SYCP2L: variants seen among roughly 807,000 people sequenced by gnomAD.
SYCP2L encodes synaptonemal complex protein 2 like.
SYCP2L carries 98 observed loss-of-function variants against 125.8 expected under a neutral mutation model. That is an observed-to-expected ratio of 0.78 (90% confidence interval 0.66 to 0.92). SYCP2L has a LOEUF of 0.92. SYCP2L is among the 40% of genes least tolerant of loss of function. The pLI is 0.00. For synonymous variants in SYCP2L, 317 were observed against 325.4 expected (o/e 0.97, Z 0.28); for missense variants, 842 against 936.4 (o/e 0.90, Z 1.32).
At chr6:10,895,555 G>A (rs955736404) in intron 4 of SYCP2L, among the ~76,000 whole-genome samples, 2 of 152,074 alleles carry the variant, frequency 1.3e-5, no homozygotes, top group Admixed American at 6.6e-5. Context: ...AGGAATGTGA[G>A]CTGGTACTGA....
At chr6:10,917,289 A>G (rs977898862) in intron 14 of SYCP2L, among the ~76,000 whole-genome samples, 6 of 152,166 alleles carry the variant, frequency 3.9e-5, no homozygotes, top group Non-Finnish European at 8.8e-5. Context: ...CTCATTTCTT[A>G]AGTCTATTAG....
intron 14 of SYCP2L, among the ~76,000 whole-genome samples, chr6:10,917,605 G>A (rs1290221454): frequency 6.6e-6 from 1 of 152,188 alleles, no homozygotes; most frequent in Non-Finnish European, 1.5e-5. Flanking sequence ...CTGCAATTCT[G>A]TATCTCTTAA....
chr6:10,891,607 CTCTCTCTGTG>C lies in SYCP2L; in HGVS notation c.78+28_78+37del. The C allele has an allele frequency of 1.3e-5, 6 of 452,942 alleles. 1 individual carries two copies. The highest frequency in any genetic ancestry group is 7.8e-5 in the East Asian group (2 of 25,720). 28.1% of individuals were successfully genotyped at this position (452,942 alleles called of 1,614,324 possible). On this transcript the variant is annotated intron_variant, in intron 2 of 29. Coordinates refer to ENST00000283141, the MANE Select transcript of SYCP2L (RefSeq NM_001040274.3). ...GTAAAGATCAAGTTTCTTTTATAAT[CTCTCTCTGTG>C]TGTGTGTGTGTGTGTGTGTGTGTGT...
At chr6:10,973,906 A>C (rs1376984163) in intron 29 of SYCP2L, 46 bp from the exon 30 acceptor site, 1 of 152,268 alleles carries the variant, frequency 6.6e-6, no homozygotes, top group Non-Finnish European at 1.5e-5. Context: ...AGAGGAGGAC[A>C]GTTCGGCCTT....
intron 21 of SYCP2L, among the ~76,000 whole-genome samples, chr6:10,940,843 G>GT (rs145343513): frequency 0.01 from 1,555 of 152,264 alleles, 14 homozygotes; most frequent in Non-Finnish European, 0.017. Flanking sequence ...TCAAAAAAGA[G>GT]TAAGAGGCAA....
At position 10,906,050 on chromosome 6, in the gene SYCP2L, G is replaced by A; in HGVS notation, c.672G>A (p.Val224=). 1 of 1,595,388 alleles carries A rather than the reference G, an allele frequency of 6.3e-7. No individual in the cohort carries two copies. The highest frequency in any genetic ancestry group is 8.6e-7 in the Non-Finnish European group (1 of 1,164,992). Residue 224 remains valine, a synonymous_variant, in exon 9 of 30, where the codon GTG becomes GTA. Coordinates refer to ENST00000283141, the MANE Select transcript of SYCP2L (RefSeq NM_001040274.3). ...MKDLARTLLT[V]GDYDQQVAIS... ...ACCTTGCAAGGACACTCTTGACTGT[G>A]GGTGGTAAGAAATTTTAGAATTTTC...
intron 23 of SYCP2L, among the ~76,000 whole-genome samples, chr6:10,947,826 T>G (rs1781342666): frequency 6.6e-6 from 1 of 152,124 alleles, no homozygotes; most frequent in African/African-American, 2.4e-5. Context: ...TTTCTAATCT[T>G]ATAGCAAATG....
At chr6:10,924,071 G>A (rs1219749349) in intron 14 of SYCP2L, among the ~76,000 whole-genome samples, 1 of 152,206 alleles carries the variant, frequency 6.6e-6, no homozygotes, top group African/African-American at 2.4e-5. Context: ...GCACATTGGG[G>A]ACAGTGAGTT....
intron 23 of SYCP2L, among the ~76,000 whole-genome samples, chr6:10,945,831 A>G (rs1405807865): frequency 1.3e-5 from 2 of 149,974 alleles, no homozygotes; most frequent in East Asian, 3.9e-4. Context: ...TATTTACCTT[A>G]TTGTATATTT....
intron 8 of SYCP2L, 78 bp downstream of exon 8, chr6:10,903,041 A>T: frequency 8.6e-7 from 1 of 1,165,218 alleles, no homozygotes; most frequent in Middle Eastern, 2.0e-4. Context: ...TCTGTGTTCT[A>T]CTTAGACCTG....
intron 4 of SYCP2L, among the ~76,000 whole-genome samples, chr6:10,895,632 G>C (rs1298273430): frequency 6.6e-6 from 1 of 151,638 alleles, no homozygotes; most frequent in African/African-American, 2.4e-5. Context: ...AGAACAAAAG[G>C]GGGGGGTACT....
At chr6:10,931,964 C>CA (rs70991075) in intron 20 of SYCP2L, among the ~76,000 whole-genome samples, 50,943 of 102,316 alleles carry the variant, frequency 0.5, 11,673 homozygotes, top group South Asian at 0.58. Context: ...GACCGTGTCT[C>CA]AAAAAAAAAA....
In SYCP2L at chr6:10,931,432, C is replaced by T. The variant is rs1453999304; in HGVS notation, c.1634-8C>T. The T allele has an allele frequency of 6.2e-7, 1 of 1,613,880 alleles. No homozygotes were observed. Among genetic ancestry groups the T allele is most frequent in the Non-Finnish European group, 8.5e-7 (1 of 1,179,896 alleles). On this transcript the variant is annotated splice_polypyrimidine_tract_variant and splice_region_variant and intron_variant, in intron 19 of 29. Coordinates refer to ENST00000283141, the MANE Select transcript of SYCP2L (RefSeq NM_001040274.3). ...TATATGTTGTGCACTTGTTTTCTTT[C>T]AATTTAGTCTTGCCAGTTTTCCCTC...
At chr6:10,959,881 A>AAG (rs1554108494) in intron 26 of SYCP2L, among the ~76,000 whole-genome samples, 6 of 151,498 alleles carry the variant, frequency 4.0e-5, no homozygotes, top group South Asian at 2.1e-4. Context: ...AAAAAAAAAA[A>AAG]AAAGAAAGAA....
chr6:10,955,590 C>A (rs775070172), intron 24 of SYCP2L, among the ~76,000 whole-genome samples: 1 of 152,110 alleles, frequency 6.6e-6, no homozygotes, highest in African/African-American at 2.4e-5. Context: ...TTGAGGCTGG[C>A]CTTCTGGACA....
At chr6:10,929,247 C>T (rs1341383978) in intron 18 of SYCP2L, among the ~76,000 whole-genome samples, 1 of 152,164 alleles carries the variant, frequency 6.6e-6, no homozygotes, top group African/African-American at 2.4e-5. Context: ...GAATACATGA[C>T]TTGTTTGGCC....
intron 14 of SYCP2L, among the ~76,000 whole-genome samples, chr6:10,922,022 TTTTG>T (rs551180823): frequency 8.9e-4 from 136 of 152,190 alleles, no homozygotes; most frequent in African/African-American, 3.0e-3. Context: ...TTTTAATGTT[TTTTG>T]TTTGTTTGTT....
intron 25 of SYCP2L, 117 bp from the exon 26 acceptor site, chr6:10,958,667 C>T: frequency 1.1e-6 from 1 of 934,336 alleles, no homozygotes; most frequent in South Asian, 1.7e-5. Context: ...TTGCTTAGCA[C>T]TCACATTTGC....
chr6:10,916,710 C>T (rs896987055), intron 14 of SYCP2L, among the ~76,000 whole-genome samples: 7 of 152,144 alleles, frequency 4.6e-5, no homozygotes, highest in East Asian at 1.9e-4. Flanking sequence ...ACTTTCTAGC[C>T]GAGGCGTGGT....
Sources: allele counts gnomAD v4.1 joint callset (sites outside exome capture counted in the v4.1 genomes callset), GRCh38; gene constraint gnomAD v4.1.1; transcripts MANE v1.5; gene names NCBI Gene and HGNC (gene_info 2026-07-23, HGNC 2026-07-21).